Variants in LMLN observed in about 807,000 individuals in gnomAD.
The protein encoded by LMLN is leishmanolysin like peptidase, also known as leishmanolysin-like peptidase.
LMLN carries 70 observed loss-of-function variants against 92.3 expected under a neutral mutation model. That is an observed-to-expected ratio of 0.76 (90% confidence interval 0.63 to 0.92). The LOEUF (loss-of-function observed/expected upper bound fraction) is 0.92. Ranked by LOEUF, LMLN falls within the 40% of genes least tolerant of loss-of-function variation. The probability of loss-of-function intolerance (pLI) is 0.00; values close to 1 mark genes in which losing one functional copy is unlikely to be tolerated. For missense variants in LMLN, 691 were observed against 814.6 expected (o/e 0.85, Z 1.85); for synonymous variants, 308 against 296.2 (o/e 1.04, Z -0.41).
intron 1 of LMLN, among the ~76,000 whole-genome samples, chr3:197,971,981 T>C (rs948070410): frequency 6.7e-6 from 1 of 150,292 alleles, no homozygotes; most frequent in African/African-American, 2.4e-5. Context: ...TCTTTTTCAT[T>C]TCTCTTCTTC....
At chr3:197,982,023 CT>C in intron 6 of LMLN, among the ~76,000 whole-genome samples, 1 of 151,988 alleles carries the variant, frequency 6.6e-6, no homozygotes, top group Non-Finnish European at 1.5e-5. Flanking sequence ...CCAGGCTGGT[CT>C]TGAACCCCTG....
At chr3:197,984,118 C>T (rs1262211829) in intron 7 of LMLN, 70 bp downstream of exon 7, 17 of 948,664 alleles carry the variant, frequency 1.8e-5, no homozygotes, top group Non-Finnish European at 2.6e-5. Context: ...CATTTTTATA[C>T]ATATATTCCA....
intron 1 of LMLN, among the ~76,000 whole-genome samples, chr3:197,968,455 C>CA (rs780249964): frequency 0.014 from 1,885 of 136,274 alleles, 16 homozygotes; most frequent in Non-Finnish European, 0.019. Flanking sequence ...GACTCTGTCT[C>CA]AAAAAAAAAA....
chr3:198,001,884 C>G (rs1722183800), intron 11 of LMLN, among the ~76,000 whole-genome samples: 1 of 152,032 alleles, frequency 6.6e-6, no homozygotes, highest in Non-Finnish European at 1.5e-5. Flanking sequence ...AACTCCTGAG[C>G]TAAAGTGATC....
intron 8 of LMLN, among the ~76,000 whole-genome samples, chr3:197,987,158 ATT>A (rs772089146): frequency 1.0e-4 from 8 of 77,608 alleles, no homozygotes; most frequent in African/African-American, 1.5e-4. Context: ...ATATGTTTGA[ATT>A]TTTTTTTTTT....
chr3:198,013,027 G>T (rs1463894412), intron 11 of LMLN, among the ~76,000 whole-genome samples: 1 of 124,478 alleles, frequency 8.0e-6, no homozygotes, highest in Non-Finnish European at 1.6e-5. Flanking sequence ...GTACCCTTCA[G>T]AGTCCCCTAA....
intron 11 of LMLN, among the ~76,000 whole-genome samples, chr3:198,000,996 A>G (rs1184917764): frequency 6.6e-6 from 1 of 152,154 alleles, no homozygotes; most frequent in African/African-American, 2.4e-5. Context: ...TTGGTTTGAC[A>G]ACTCACTAAT....
At chr3:197,999,430 A>G (rs1435739722) in intron 11 of LMLN, 88 bp downstream of exon 11, 6 of 867,574 alleles carry the variant, frequency 6.9e-6, no homozygotes, top group Non-Finnish European at 9.5e-6. Flanking sequence ...CTGACATTTT[A>G]TGCTGAAGCA....
chr3:197,969,330 T>C (rs1261906788), intron 1 of LMLN, among the ~76,000 whole-genome samples: 2 of 152,188 alleles, frequency 1.3e-5, no homozygotes, highest in African/African-American at 4.8e-5. Flanking sequence ...GAGATCTTTT[T>C]TCTAAAATAG....
At chr3:197,985,926 T>C (rs747349629) in intron 8 of LMLN, 36 bp downstream of exon 8, 1 of 1,265,448 alleles carries the variant, frequency 7.9e-7, no homozygotes, top group Non-Finnish European at 1.2e-6. Flanking sequence ...TCTCCTCTTT[T>C]AGGAGGGTGC....
chr3:197,998,482 A>T (rs1468925831), intron 10 of LMLN, among the ~76,000 whole-genome samples: 1 of 152,166 alleles, frequency 6.6e-6, no homozygotes, highest in South Asian at 2.1e-4. Context: ...TTGGCCAGAA[A>T]TGAAAATGTT....
At chr3:198,030,504 G>T (rs1487966912) in intron 14 of LMLN, among the ~76,000 whole-genome samples, 1 of 152,160 alleles carries the variant, frequency 6.6e-6, no homozygotes, top group Non-Finnish European at 1.5e-5. Flanking sequence ...TCCCAGTTGG[G>T]CTCATCTCCT....
chr3:197,969,362 C>G (rs911964434), intron 1 of LMLN, among the ~76,000 whole-genome samples: 1 of 152,004 alleles, frequency 6.6e-6, no homozygotes, highest in African/African-American at 2.4e-5. Flanking sequence ...TATCAGTTTC[C>G]TCTAAATACT....
intron 5 of LMLN, 92 bp downstream of exon 5, chr3:197,976,807 G>T (rs764124082): frequency 3.7e-6 from 2 of 540,716 alleles, no homozygotes; most frequent in Non-Finnish European, 3.3e-6. Context: ...AAGTTCAAAG[G>T]CTTAGTAGCT....
chr3:197,991,466 G>A (rs962330626), intron 9 of LMLN, among the ~76,000 whole-genome samples: 6 of 152,120 alleles, frequency 3.9e-5, no homozygotes, highest in African/African-American at 9.7e-5. Flanking sequence ...GTTCAAATCC[G>A]ATGGGATAGG....
chr3:198,025,209 G>C lies in LMLN; in HGVS notation c.1656+421G>C, dbSNP rs953579012. 1.3e-5 allele frequency among the ~76,000 whole-genome samples: 2 copies of C among 152,178 alleles called. No individual in the cohort carries two copies. Among genetic ancestry groups the C allele is most frequent in the Non-Finnish European group, 2.9e-5 (2 of 68,034 alleles). On this transcript the variant is annotated intron_variant, in intron 14 of 15. Coordinates refer to ENST00000330198, the Ensembl canonical transcript of LMLN. This position sits in a 1 kb window ranked among gnomAD's most constrained non-coding sequence, Gnocchi z 4.3. ...CCAGCACTTTGGGAGGCTGAGCCAG[G>C]AGGATTGCTTGAGCCCAGGATTCGA...
chr3:197,960,694 T>G (rs778693250), intron 1 of LMLN, among the ~76,000 whole-genome samples: 1 of 152,108 alleles, frequency 6.6e-6, no homozygotes, highest in African/African-American at 2.4e-5. Flanking sequence ...TTTTCAAACT[T>G]GAGCGTGCAT....
chr3:198,033,645 A>G (rs1169397508), intron 14 of LMLN, among the ~76,000 whole-genome samples: 1 of 152,164 alleles, frequency 6.6e-6, no homozygotes, highest in East Asian at 1.9e-4. Flanking sequence ...CAGGTGATCC[A>G]CCTGCCTTGG....
chr3:198,000,375 A>G (rs1722137338), intron 11 of LMLN, among the ~76,000 whole-genome samples: 1 of 152,244 alleles, frequency 6.6e-6, no homozygotes, highest in African/African-American at 2.4e-5. Context: ...AATTGTTGAC[A>G]CTACCTTCAC....
Sources: gnomAD v4.1 joint callset for allele counts (sites outside exome capture counted in the v4.1 genomes callset) on GRCh38, gnomAD v4.1.1 for gene constraint, Gnocchi (gnomAD v3.1) non-coding constraint, MANE v1.5 for transcripts, NCBI Gene and HGNC (gene_info 2026-07-23, HGNC 2026-07-21) for gene names.